The following PTPRG variants were observed in gnomAD, a reference collection of about 807,000 sequenced individuals.
The protein encoded by PTPRG is protein tyrosine phosphatase receptor type G, also known as receptor-type tyrosine-protein phosphatase gamma.
A neutral mutation model predicts 165.3 loss-of-function variants in PTPRG; 102 were observed. The ratio of observed to expected loss-of-function variants is 0.62; its 90% CI spans 0.53 to 0.73. The LOEUF (loss-of-function observed/expected upper bound fraction) is 0.73. Ranked by LOEUF, PTPRG falls within the 30% of genes least tolerant of loss-of-function variation. PTPRG has a pLI of 0.00. For missense variants in PTPRG, 1,866 were observed against 1,861.4 expected (o/e 1.00, Z -0.05); for synonymous variants, 675 against 669.5 (o/e 1.01, Z -0.13).
chr3:61,800,589 G>A (rs1443658178), intron 2 of PTPRG, among the ~76,000 whole-genome samples: 1 of 151,634 alleles, frequency 6.6e-6, no homozygotes, highest in African/African-American at 2.4e-5. Context: ...AGAAAGTCAT[G>A]TTTCCTGAGG....
At chr3:61,686,256 A>G (rs763755248) in intron 1 of PTPRG, among the ~76,000 whole-genome samples, 2 of 152,196 alleles carry the variant, frequency 1.3e-5, no homozygotes, top group Non-Finnish European at 2.9e-5. Context: ...AAGCCTGTCA[A>G]CTTAATGGCT....
intron 7 of PTPRG, among the ~76,000 whole-genome samples, chr3:62,164,808 T>C (rs139898907): frequency 6.6e-6 from 1 of 152,236 alleles, no homozygotes; most frequent in Non-Finnish European, 1.5e-5. Context: ...TTTAGGAGAA[T>C]TTAATGCTGG....
intron 7 of PTPRG, among the ~76,000 whole-genome samples, chr3:62,167,519 G>A (rs1419817115): frequency 1.3e-5 from 2 of 152,190 alleles, no homozygotes; most frequent in Non-Finnish European, 2.9e-5. Flanking sequence ...GAGGAAAAAT[G>A]GTGGCTCAGG....
intron 2 of PTPRG, among the ~76,000 whole-genome samples, chr3:61,765,157 GC>G (rs1365441215): frequency 6.6e-6 from 1 of 152,196 alleles, no homozygotes; most frequent in Non-Finnish European, 1.5e-5. Flanking sequence ...GTGCACAGTG[GC>G]TAAGGTATTA....
At chr3:61,951,540 T>G (rs1305365855) in intron 2 of PTPRG, among the ~76,000 whole-genome samples, 1 of 152,178 alleles carries the variant, frequency 6.6e-6, no homozygotes, top group Non-Finnish European at 1.5e-5. Flanking sequence ...TCTGGATTAT[T>G]TCGTGGGAAG....
chr3:62,260,159 A>G (rs1701651592), intron 16 of PTPRG, among the ~76,000 whole-genome samples: 1 of 152,198 alleles, frequency 6.6e-6, no homozygotes, highest in Non-Finnish European at 1.5e-5. Flanking sequence ...CCCATCAGTC[A>G]TCTGTAGAAC....
At chr3:61,563,467 C>T (rs1406774898) in intron 1 of PTPRG, among the ~76,000 whole-genome samples, 1 of 152,140 alleles carries the variant, frequency 6.6e-6, no homozygotes, top group Non-Finnish European at 1.5e-5. Flanking sequence ...GTCCCCCGGG[C>T]AGCAGCCCCG....
chr3:61,663,059 G>A (rs1287167836), intron 1 of PTPRG, among the ~76,000 whole-genome samples: 1 of 152,174 alleles, frequency 6.6e-6, no homozygotes, highest in Non-Finnish European at 1.5e-5. Context: ...TGAAGTGGGT[G>A]GATCACTTGA....
At chr3:62,065,955 G>C (rs1700998465) in intron 4 of PTPRG, among the ~76,000 whole-genome samples, 1 of 152,192 alleles carries the variant, frequency 6.6e-6, no homozygotes, top group Non-Finnish European at 1.5e-5. Context: ...TTTTGGATGT[G>C]TGTTCTCAGA....
chr3:61,907,602 A>T (rs2038687291), intron 2 of PTPRG, among the ~76,000 whole-genome samples: 1 of 152,226 alleles, frequency 6.6e-6, no homozygotes, highest in South Asian at 2.1e-4. Context: ...AGTAAGGAAG[A>T]TTATTGCAGC....
chr3:61,771,726 T>C (rs2034211664), intron 2 of PTPRG, among the ~76,000 whole-genome samples: 1 of 152,176 alleles, frequency 6.6e-6, no homozygotes, highest in Non-Finnish European at 1.5e-5. Context: ...ATCCTTTTTC[T>C]TTCCTGAACC....
At chr3:62,138,764 G>T (rs773367002) in intron 6 of PTPRG, among the ~76,000 whole-genome samples, 2 of 149,144 alleles carry the variant, frequency 1.3e-5, no homozygotes, top group Admixed American at 6.7e-5. Context: ...TGCATTATAC[G>T]TCGCTTCTCG....
At chr3:62,192,958 G>T (rs935624601) in intron 9 of PTPRG, among the ~76,000 whole-genome samples, 1 of 152,156 alleles carries the variant, frequency 6.6e-6, no homozygotes, top group South Asian at 2.1e-4. Context: ...TTCTTTAGAT[G>T]AAGATTCTTT....
At chr3:62,031,904 A>G (rs940507707) in intron 4 of PTPRG, among the ~76,000 whole-genome samples, 2 of 152,192 alleles carry the variant, frequency 1.3e-5, no homozygotes, top group Non-Finnish European at 2.9e-5. Context: ...AAGAGGATGA[A>G]TTCTGTTTTA....
intron 3 of PTPRG, among the ~76,000 whole-genome samples, chr3:62,002,803 C>G (rs568436436): frequency 2.2e-4 from 34 of 152,326 alleles, no homozygotes; most frequent in African/African-American, 8.2e-4. Context: ...TAAATACAGA[C>G]TCCCAACTGT....
intron 1 of PTPRG, among the ~76,000 whole-genome samples, chr3:61,636,057 A>G (rs2106940842): frequency 6.6e-6 from 1 of 152,224 alleles, no homozygotes. Flanking sequence ...TCTTGCATAA[A>G]TTCTTCCTAA....
chr3:61,573,308 A>G (rs1700101614), intron 1 of PTPRG, among the ~76,000 whole-genome samples: 1 of 152,330 alleles, frequency 6.6e-6, no homozygotes, highest in South Asian at 2.1e-4. Flanking sequence ...ATCTGAGTAC[A>G]TTAATATTGG....
At chr3:61,826,171 G>C (rs1218351105) in intron 2 of PTPRG, among the ~76,000 whole-genome samples, 1 of 152,182 alleles carries the variant, frequency 6.6e-6, no homozygotes, top group African/African-American at 2.4e-5. Flanking sequence ...GCACGGAATA[G>C]TAGGGAGAAG....
At chr3:61,898,378 A>T (rs2886675) in intron 2 of PTPRG, among the ~76,000 whole-genome samples, 2 of 152,028 alleles carry the variant, frequency 1.3e-5, no homozygotes, top group Admixed American at 1.3e-4. Context: ...TAAACATTGC[A>T]CAGAGGTGCT....
Sources: allele counts gnomAD v4.1 joint callset (sites outside exome capture counted in the v4.1 genomes callset), GRCh38; gene constraint gnomAD v4.1.1; transcripts MANE v1.5; gene names NCBI Gene and HGNC (gene_info 2026-07-23, HGNC 2026-07-21).